ZBED6: variants seen among roughly 807,000 people sequenced by gnomAD.
The protein encoded by ZBED6 is zinc finger BED-type containing 6.
Under a neutral mutation model 58.4 loss-of-function variants are expected in ZBED6, and 40 were observed. That is an observed-to-expected ratio of 0.68 (90% confidence interval 0.53 to 0.89). The LOEUF is 0.89. Ranked by LOEUF, ZBED6 falls within the 40% of genes least tolerant of loss-of-function variation. The pLI, the probability that ZBED6 is intolerant of heterozygous loss-of-function variation, is 0.00. For synonymous variants in ZBED6, 439 were observed against 350.6 expected, an observed-to-expected ratio of 1.25 and a Z score of -2.82; for missense variants, 1,057 against 1,003.9, an observed-to-expected ratio of 1.05 and a Z score of -0.71.
rs977760709 is a variant in ZBED6, at chr1:203,796,590, A to T, written c.-933A>T. On this transcript the variant is annotated 5_prime_UTR_variant, in exon 1 of 17. An upstream start codon of the reference 5' UTR is lost. Transcript: ENST00000550078. ...AGAGGCTGTGGAACTAGAGATAGCG[A>T]TGCTTTTTAGGGTAAATGTATGTAG... The T allele has an allele frequency of 1.1e-4, 45 of 397,354 alleles. No individual in the cohort carries two copies. The highest frequency in any genetic ancestry group is 1.3e-3 in the Middle Eastern group (2 of 1,580). 24.6% of individuals were successfully genotyped at this position (397,354 alleles called of 1,614,324 possible).
exon 1 of ZBED6, chr1:203,796,536 T>A (rs1421360855): frequency 5.0e-6 from 2 of 398,794 alleles, no homozygotes; most frequent in Non-Finnish European, 8.8e-6. Flanking sequence ...TGTTGACATC[T>A]TCCAGGCCTT....
exon 12 of ZBED6, chr1:203,847,345 C>T (rs201151537): frequency 8.7e-6 from 14 of 1,613,682 alleles, no homozygotes; most frequent in East Asian, 4.5e-5. Flanking sequence ...CTCCACTATC[C>T]GTATCAAAAC....
chr1:203,817,876 C>T (rs919280678), intron 2 of ZBED6, among the ~76,000 whole-genome samples: 1 of 151,944 alleles, frequency 6.6e-6, no homozygotes, highest in Non-Finnish European at 1.5e-5. Flanking sequence ...CCTCAGCCTC[C>T]CAAGTAGCTG....
exon 1 of ZBED6, chr1:203,798,412 CAGGGTCCCACTT>C: frequency 6.5e-7 from 1 of 1,533,622 alleles, no homozygotes. Context: ...CGGGGTAGGC[CAGGGTCCCACTT>C]AGGGACTTCA....
At chr1:203,806,257 A>G (rs1245877389) in intron 1 of ZBED6, 7 of 333,128 alleles carry the variant, frequency 2.1e-5, no homozygotes. Flanking sequence ...CTGAAGAATC[A>G]GTTTATCTTG....
intron 1 of ZBED6, among the ~76,000 whole-genome samples, chr1:203,807,422 A>G (rs1224075120): frequency 6.6e-6 from 1 of 152,024 alleles, no homozygotes; most frequent in Non-Finnish European, 1.5e-5. Context: ...AGTAGCTGGG[A>G]TTACAAATGT....
At chr1:203,815,997 CG>C (rs2102749285) in intron 1 of ZBED6, among the ~76,000 whole-genome samples, 1 of 152,238 alleles carries the variant, frequency 6.6e-6, no homozygotes, top group Admixed American at 6.5e-5. Context: ...ACTACTTTTG[CG>C]TCTTGTTTGT....
chr1:203,852,608 A>G (rs532418436), exon 17 of ZBED6: 46 of 581,442 alleles, frequency 7.9e-5, no homozygotes, highest in East Asian at 7.9e-4. Context: ...ATTTGATGCC[A>G]TTGTTTATCA....
At chr1:203,812,351 C>T (rs1674767912) in intron 1 of ZBED6, among the ~76,000 whole-genome samples, 1 of 152,120 alleles carries the variant, frequency 6.6e-6, no homozygotes, top group Non-Finnish European at 1.5e-5. Flanking sequence ...ATTTAGCTCC[C>T]ACTTATAAGT....
At chr1:203,819,160 G>A (rs542622677) in intron 3 of ZBED6, among the ~76,000 whole-genome samples, 4 of 143,448 alleles carry the variant, frequency 2.8e-5, no homozygotes, top group Non-Finnish European at 4.5e-5. Context: ...ATACACACAC[G>A]TGTATATATG....
intron 1 of ZBED6, among the ~76,000 whole-genome samples, chr1:203,813,801 ATCT>A (rs1297665397): frequency 6.6e-6 from 1 of 151,964 alleles, no homozygotes; most frequent in African/African-American, 2.4e-5. Flanking sequence ...CCACATGGTC[ATCT>A]TCTCCTTGTG....
At chr1:203,820,912 A>G (rs1388636662) in intron 3 of ZBED6, among the ~76,000 whole-genome samples, 1 of 152,146 alleles carries the variant, frequency 6.6e-6, no homozygotes, top group African/African-American at 2.4e-5. Flanking sequence ...TTTTGTAATT[A>G]ATAAATATTT....
Position 203,809,395 on chromosome 1 carries a change from T to C in ZBED6, c.*2554+6379T>C, listed in dbSNP as rs1260184903. ...TTTCACCATATTGGCCAGGCTGGTC[T>C]CAAACTCCTGACCTCGTGATCCGCC... On this transcript the variant is annotated intron_variant, in intron 1 of 16. Transcript: ENST00000550078. Among the ~76,000 whole-genome samples the C allele has an allele frequency of 2.6e-5, 4 of 151,448 alleles. No homozygotes were observed. The East Asian group carries it at 7.8e-4, about 30-fold the overall frequency.
chr1:203,829,739 G>C (rs147876400), intron 5 of ZBED6, 41 bp from the exon 6 acceptor site: 2 of 1,611,090 alleles, frequency 1.2e-6, no homozygotes, highest in African/African-American at 2.7e-5. Context: ...AGCTATAGGC[G>C]TATTTTTAAT....
At chr1:203,826,072 A>G (rs1481348054) in intron 3 of ZBED6, among the ~76,000 whole-genome samples, 2 of 152,154 alleles carry the variant, frequency 1.3e-5, no homozygotes, top group Non-Finnish European at 2.9e-5. Context: ...GCTTAGGAAC[A>G]AGGAAGATTG....
rs937150470 is a variant in ZBED6 at position 203,852,004 on chromosome 1, C to G, written c.*4874-137C>G. ...AAAAAAAAAAAAAAAAAGCTTGATC[C>G]CAAATCAGTAAAAGAATTATTTCTT... On this transcript the variant is annotated intron_variant, in intron 16 of 16. Coordinates refer to ENST00000550078, the Ensembl canonical transcript of ZBED6. 8 of 526,798 alleles carry G rather than the reference C, an allele frequency of 1.5e-5. No homozygotes were observed. In the African/African-American group the frequency reaches 1.7e-4, roughly 11 times the overall value. The allele number at this position is 526,798 out of a possible 1,614,324, so 32.6% of individuals were successfully genotyped here.
chr1:203,802,115 C>T (rs1021182023), exon 1 of ZBED6: 3 of 152,604 alleles, frequency 2.0e-5, no homozygotes, highest in Non-Finnish European at 1.5e-5. Context: ...GCTGCTCTGC[C>T]TTCTACAGCT....
intron 16 of ZBED6, 79 bp downstream of exon 16, chr1:203,851,203 ATAACTT>A (rs753378108): frequency 3.9e-4 from 500 of 1,281,394 alleles, no homozygotes; most frequent in Non-Finnish European, 5.0e-4. Context: ...ACACTGATAA[ATAACTT>A]TAGCAACATT....
chr1:203,815,662 T>C (rs971824845), intron 1 of ZBED6, among the ~76,000 whole-genome samples: 1 of 152,208 alleles, frequency 6.6e-6, no homozygotes, highest in African/African-American at 2.4e-5. Context: ...TTAGTACCCA[T>C]GTTCAGTGTC....
Sources: allele counts gnomAD v4.1 joint callset (sites outside exome capture counted in the v4.1 genomes callset), GRCh38; gene constraint gnomAD v4.1.1; transcripts MANE v1.5; gene names NCBI Gene and HGNC (gene_info 2026-07-23, HGNC 2026-07-21).